CCDC178: variants seen among roughly 807,000 people sequenced by gnomAD.
CCDC178 encodes coiled-coil domain containing 178, also known as coiled-coil domain-containing protein 178.
Under a neutral mutation model 117.4 loss-of-function variants are expected in CCDC178, and 126 were observed. That is an observed-to-expected ratio of 1.07 (90% confidence interval 0.93 to 1.24). CCDC178 has a LOEUF of 1.24. Ranked by LOEUF, CCDC178 falls within the 50% of genes most tolerant of loss-of-function variation. The probability of loss-of-function intolerance (pLI) is 0.00; values close to 1 mark genes in which losing one functional copy is unlikely to be tolerated. For missense variants in CCDC178, 1,030 were observed against 986.9 expected, an observed-to-expected ratio of 1.04 and a Z score of -0.59; for synonymous variants, 283 against 313.4, an observed-to-expected ratio of 0.90 and a Z score of 1.02.
chr18:33,371,114 T>C (rs774400685), intron 5 of CCDC178, among the ~76,000 whole-genome samples: 20 of 152,000 alleles, frequency 1.3e-4, no homozygotes, highest in Non-Finnish European at 2.1e-4. Context: ...ATGGTAAATA[T>C]TTTTGGTATC....
At chr18:33,285,718 C>A (rs1002649156) in intron 12 of CCDC178, among the ~76,000 whole-genome samples, 1 of 152,214 alleles carries the variant, frequency 6.6e-6, no homozygotes, top group Non-Finnish European at 1.5e-5. Context: ...CTAAAATCAT[C>A]TTCACAGCAT....
At chr18:33,398,185 A>G (rs1395030042) in intron 3 of CCDC178, among the ~76,000 whole-genome samples, 8 of 152,066 alleles carry the variant, frequency 5.3e-5, no homozygotes, top group African/African-American at 1.7e-4. Flanking sequence ...TTCTAAGGAT[A>G]TATTTCAAAG....
At chr18:33,114,619 T>C (rs539013756) in intron 20 of CCDC178, among the ~76,000 whole-genome samples, 1 of 152,172 alleles carries the variant, frequency 6.6e-6, no homozygotes, top group East Asian at 1.9e-4. Context: ...CACATTCAAT[T>C]ATCTTGTGTT....
chr18:33,315,418 G>A (rs1427147144), intron 11 of CCDC178, among the ~76,000 whole-genome samples: 4 of 152,136 alleles, frequency 2.6e-5, no homozygotes, highest in Non-Finnish European at 5.9e-5. Flanking sequence ...ATATGAAAAT[G>A]ATAAAACAGG....
intron 21 of CCDC178, chr18:32,983,455 G>T: frequency 1.6e-6 from 1 of 640,292 alleles, no homozygotes; most frequent in Non-Finnish European, 2.6e-6. Context: ...TGTAGAAGCA[G>T]CTCTAAGATT....
intron 11 of CCDC178, among the ~76,000 whole-genome samples, chr18:33,306,979 T>C (rs1237266237): frequency 2.0e-5 from 3 of 152,196 alleles, no homozygotes; most frequent in African/African-American, 4.8e-5. Context: ...TCCACTATGA[T>C]TGTAAGTTTC....
At chr18:33,261,319 G>A (rs1263766348) in intron 14 of CCDC178, among the ~76,000 whole-genome samples, 2 of 152,236 alleles carry the variant, frequency 1.3e-5, no homozygotes, top group African/African-American at 2.4e-5. Context: ...TCCTGACCTC[G>A]TGATCCGCCC....
chr18:32,990,640 T>G (rs1364108967), intron 21 of CCDC178, among the ~76,000 whole-genome samples: 3 of 152,004 alleles, frequency 2.0e-5, no homozygotes, highest in African/African-American at 4.8e-5. Context: ...CAGAAGAAAT[T>G]AAAAGAAAAT....
chr18:33,363,530 G>C (rs1228996041), intron 6 of CCDC178, among the ~76,000 whole-genome samples: 2 of 151,922 alleles, frequency 1.3e-5, no homozygotes, highest in African/African-American at 4.8e-5. Context: ...TCCTAGATTT[G>C]GGGAACCTGA....
chr18:33,207,989 C>T (rs1052306001), intron 20 of CCDC178, among the ~76,000 whole-genome samples: 4 of 151,740 alleles, frequency 2.6e-5, no homozygotes, highest in African/African-American at 4.9e-5. Context: ...ACCGGATCTG[C>T]GCAAAAACAT....
intron 2 of CCDC178, among the ~76,000 whole-genome samples, chr18:33,416,260 T>C (rs1000911705): frequency 1.3e-5 from 2 of 152,088 alleles, no homozygotes; most frequent in Non-Finnish European, 2.9e-5. Flanking sequence ...ACCCCGTCTC[T>C]ACTAAAAATA....
chr18:33,366,601 T>A (rs927656788), intron 6 of CCDC178, among the ~76,000 whole-genome samples: 1 of 152,064 alleles, frequency 6.6e-6, no homozygotes, highest in Admixed American at 6.6e-5. Flanking sequence ...ATAATTTACA[T>A]AGCTTAGAGT....
chr18:33,111,016 T>A (rs769679332), intron 20 of CCDC178, among the ~76,000 whole-genome samples: 1 of 151,612 alleles, frequency 6.6e-6, no homozygotes, highest in Non-Finnish European at 1.5e-5. Flanking sequence ...GAATTTCCAA[T>A]ATATAAATTT....
At chr18:33,107,937 T>C (rs1178880867) in intron 20 of CCDC178, among the ~76,000 whole-genome samples, 3 of 151,734 alleles carry the variant, frequency 2.0e-5, no homozygotes, top group Non-Finnish European at 3.0e-5. Context: ...CCTCTGCATT[T>C]GTGAAAGATA....
intron 11 of CCDC178, among the ~76,000 whole-genome samples, chr18:33,320,163 T>C (rs1488907787): frequency 1.3e-5 from 2 of 152,178 alleles, no homozygotes; most frequent in Admixed American, 6.5e-5. Context: ...ACTGGACTCA[T>C]TGCCTTTGAA....
rs138005612 is a variant in CCDC178, at chr18:33,185,707, T to A, written c.2238+26189A>T. Among the ~76,000 whole-genome samples the A allele has an allele frequency of 6.8e-4, 104 of 152,212 alleles. 2 individuals carry two copies. In the East Asian group the frequency reaches 0.016, roughly 23 times the overall value. The stretch of plus-strand genomic sequence containing the variant: ...AGATATATTTAGTAAAAGGGGAAGT[T>A]CTGATTTGGTACCACTTAATTTAAG... On this transcript the variant is annotated intron_variant, in intron 20 of 22. Coordinates refer to ENST00000383096, the MANE Select transcript of CCDC178 (RefSeq NM_001105528.4).
chr18:33,156,461 G>A (rs382574), intron 20 of CCDC178, among the ~76,000 whole-genome samples: 13,459 of 151,368 alleles, frequency 0.089, 716 homozygotes, highest in African/African-American at 0.15. Flanking sequence ...AAACTCCCAG[G>A]TAGCAAAAAT....
chr18:33,246,144 T>A (rs1482639614), intron 14 of CCDC178, among the ~76,000 whole-genome samples: 1 of 151,898 alleles, frequency 6.6e-6, no homozygotes, highest in African/African-American at 2.4e-5. Flanking sequence ...ATACAATAAA[T>A]CTGGGGTAAA....
chr18:33,281,667 G>T (rs1475628643), intron 12 of CCDC178, among the ~76,000 whole-genome samples: 2 of 152,118 alleles, frequency 1.3e-5, no homozygotes, highest in African/African-American at 4.8e-5. Flanking sequence ...AAAGGGTAAA[G>T]TTAAGGTTTT....
Sources: allele counts gnomAD v4.1 joint callset (sites outside exome capture counted in the v4.1 genomes callset), GRCh38; gene constraint gnomAD v4.1.1; transcripts MANE v1.5; gene names NCBI Gene and HGNC (gene_info 2026-07-23, HGNC 2026-07-21).